SASH1: variants seen among roughly 807,000 people sequenced by gnomAD.
SASH1 encodes SAM and SH3 domain-containing protein 1.
SASH1 carries 44 observed loss-of-function variants against 125.2 expected under a neutral mutation model. The ratio of observed to expected loss-of-function variants is 0.35; its 90% confidence interval spans 0.28 to 0.45. The LOEUF is 0.45. Ranked by LOEUF, SASH1 falls within the 20% of genes least tolerant of loss-of-function variation. SASH1 has a pLI of 1.00. For synonymous variants in SASH1, 639 were observed against 649.1 expected, an observed-to-expected ratio of 0.98 and a Z score of 0.24; for missense variants, 1,426 against 1,614.5, an observed-to-expected ratio of 0.88 and a Z score of 2.00.
intron 1 of SASH1, among the ~76,000 whole-genome samples, chr6:148,337,109 A>G (rs1467495593): frequency 2.0e-5 from 3 of 152,172 alleles, no homozygotes. Flanking sequence ...GCCAGGCTGC[A>G]GTGCAATGGT....
chr6:148,287,418 G>A (rs999081380), intron 1 of SASH1, among the ~76,000 whole-genome samples: 3 of 152,098 alleles, frequency 2.0e-5, no homozygotes, highest in African/African-American at 7.2e-5. Context: ...CAAGGTGTGT[G>A]TCACATCTTT....
rs1441220574 is a variant in SASH1 at position 148,303,430 on chromosome 6, G to A, written n.74+31053G>A. Among the ~76,000 whole-genome samples, 80 of 152,146 alleles carry A rather than the reference G, an allele frequency of 5.3e-4. 1 individual carries two copies. The highest frequency in any genetic ancestry group is 5.2e-3 in the Admixed American group (80 of 15,260). ...TAAAGGAATCAAAATCATAGAGTAT[G>A]CTTTCTGACTATAATGGAATTAAAT... On this transcript the variant is annotated intron_variant and non_coding_transcript_variant, in intron 1 of 3. Coordinates refer to the SASH1 transcript ENST00000367469.
intron 1 of SASH1, among the ~76,000 whole-genome samples, chr6:148,362,510 G>A (rs2114712903): frequency 6.6e-6 from 1 of 151,330 alleles, no homozygotes; most frequent in South Asian, 2.1e-4. Context: ...AATGCCCCTG[G>A]TTTTCTCCCC....
intron 2 of SASH1, among the ~76,000 whole-genome samples, chr6:148,432,439 A>G (rs1325187270): frequency 6.6e-6 from 1 of 152,198 alleles, no homozygotes; most frequent in Non-Finnish European, 1.5e-5. Context: ...AAAAACGTAA[A>G]TCTGTGACCG....
At chr6:148,230,211 G>A in the SASH1 span, among the ~76,000 whole-genome samples, 1 of 152,088 alleles carries the variant, frequency 6.6e-6, no homozygotes, top group Non-Finnish European at 1.5e-5. Flanking sequence ...ATTCTTTGAG[G>A]CTCATCCATT....
chr6:148,203,649 C>T, the SASH1 span, among the ~76,000 whole-genome samples: 1 of 152,172 alleles, frequency 6.6e-6, no homozygotes, highest in Non-Finnish European at 1.5e-5. Context: ...GTCCTTTCTG[C>T]CACACCATCT....
rs200708826 is a variant in SASH1 at position 148,482,688 on chromosome 6, A to ATT, written c.628-4909_628-4908dup. ...AGGCATGTGCCACCACACCTGGCTA[A>ATT]TTTTTTTTTTTTTTTTTTGAGAGAG... On this transcript the variant is annotated intron_variant, in intron 7 of 19. Coordinates refer to ENST00000367467, the MANE Select transcript of SASH1 (RefSeq NM_015278.5). 9.0e-5 allele frequency among the ~76,000 whole-genome samples: 9 copies of ATT among 99,918 alleles called. 1 individual carries two copies. Among genetic ancestry groups the ATT allele is most frequent in the African/African-American group, 1.3e-4 (3 of 22,534 alleles). The allele number at this position is 99,918 out of a possible 152,430, so 65.6% of individuals were successfully genotyped here. A position where few individuals can be genotyped will look rare whatever the true frequency, so the allele number is the denominator to read the frequency against.
rs918398334 is a variant in SASH1 at position 148,550,850 on chromosome 6, A to G, written c.*2292A>G. The G allele has an allele frequency of 5.3e-5, 8 of 152,266 alleles. No homozygotes were observed. The highest frequency in any genetic ancestry group is 1.9e-4 in the African/African-American group (8 of 41,464). The allele number at this position is 152,266 out of a possible 1,614,324, so 9.4% of individuals were successfully genotyped here. ...GCAAAAAACCACACAAAAGTTGTGT[A>G]AGAGATGAGATAACAAAGGAGCGAG... is the stretch of plus-strand genomic sequence containing the variant. On this transcript the variant is annotated 3_prime_UTR_variant, in exon 20 of 20. Transcript: ENST00000367467.
intron 10 of SASH1, among the ~76,000 whole-genome samples, chr6:148,522,336 A>G (rs956155130): frequency 2.0e-5 from 3 of 152,224 alleles, no homozygotes; most frequent in Admixed American, 2.0e-4. Flanking sequence ...TCATCTTACA[A>G]TAGAAAGAAC....
chr6:148,384,248 C>T (rs1783269342), intron 1 of SASH1, among the ~76,000 whole-genome samples: 1 of 152,104 alleles, frequency 6.6e-6, no homozygotes, highest in Non-Finnish European at 1.5e-5. Context: ...AACGTTTTCC[C>T]ATGTTCCTAA....
At chr6:148,355,776 T>C (rs1196549118) in intron 1 of SASH1, among the ~76,000 whole-genome samples, 1 of 152,206 alleles carries the variant, frequency 6.6e-6, no homozygotes, top group Non-Finnish European at 1.5e-5. Flanking sequence ...CTCTAGAGAT[T>C]AGAATGATCA....
At chr6:148,466,450 G>A (rs961459093) in intron 4 of SASH1, among the ~76,000 whole-genome samples, 1 of 152,204 alleles carries the variant, frequency 6.6e-6, no homozygotes, top group Admixed American at 6.5e-5. Context: ...GCTTATTAAA[G>A]GCTGCTCTGC....
chr6:148,322,498 T>G (rs1780659113), intron 1 of SASH1, among the ~76,000 whole-genome samples: 1 of 152,242 alleles, frequency 6.6e-6, no homozygotes, highest in Admixed American at 6.5e-5. Flanking sequence ...TGTTTACCTA[T>G]TTTTCTCCCA....
At chr6:148,402,554 C>T (rs1335743940) in intron 2 of SASH1, among the ~76,000 whole-genome samples, 1 of 151,920 alleles carries the variant, frequency 6.6e-6, no homozygotes, top group Non-Finnish European at 1.5e-5. Flanking sequence ...AATGATCCGC[C>T]TGCCTTGGCC....
At chr6:148,473,697 T>G (rs1169977471) in intron 6 of SASH1, among the ~76,000 whole-genome samples, 1 of 152,206 alleles carries the variant, frequency 6.6e-6, no homozygotes, top group Non-Finnish European at 1.5e-5. Flanking sequence ...TCATTTGTAT[T>G]GCTAATGGAA....
chr6:148,552,039 G>C lies in SASH1; in HGVS notation c.*3481G>C, dbSNP rs899944060. 3 of 152,558 alleles carry C rather than the reference G, an allele frequency of 2.0e-5. No individual in the cohort carries two copies. The highest frequency in any genetic ancestry group is 2.0e-4 in the Admixed American group (3 of 15,260). The allele number at this position is 152,558 out of a possible 1,614,324, so 9.5% of individuals were successfully genotyped here. On this transcript the variant is annotated 3_prime_UTR_variant, in exon 20 of 20. Coordinates refer to ENST00000367467, the MANE Select transcript of SASH1 (RefSeq NM_015278.5). The stretch of plus-strand genomic sequence containing the variant: ...AGAAAAAAGTAAATAAATTTCTTCA[G>C]TTGAATATGCCTTTTTTGTTGTTTC...
At chr6:148,326,345 T>TATATATATATATATATATATATGC (rs1780810218) in intron 1 of SASH1, among the ~76,000 whole-genome samples, 1 of 89,048 alleles carries the variant, frequency 1.1e-5, no homozygotes, top group African/African-American at 4.4e-5. Flanking sequence ...TATATATATA[T>TATATATATATATATATATATATGC]ATATATATAT....
At chr6:148,545,538 A>C (rs1782503763) in intron 18 of SASH1, among the ~76,000 whole-genome samples, 1 of 152,240 alleles carries the variant, frequency 6.6e-6, no homozygotes, top group Non-Finnish European at 1.5e-5. Context: ...TGTAAAGCAG[A>C]AGTTAGCCCT....
At chr6:148,287,910 G>A (rs12523695) in intron 1 of SASH1, among the ~76,000 whole-genome samples, 44,289 of 152,114 alleles carry the variant, frequency 0.29, 6,642 homozygotes, top group South Asian at 0.4. Context: ...TGTTGGTACA[G>A]TATGGAACTA....
Sources: gnomAD v4.1 joint callset for allele counts (sites outside exome capture counted in the v4.1 genomes callset) on GRCh38, gnomAD v4.1.1 for gene constraint, MANE v1.5 for transcripts, NCBI Gene and HGNC (gene_info 2026-07-23, HGNC 2026-07-21) for gene names.